Variants in CAMKMT observed in about 807,000 individuals in gnomAD.
The protein encoded by CAMKMT is CaM KMT.
A neutral mutation model predicts 48.0 loss-of-function variants in CAMKMT; 53 were observed. The ratio of observed to expected loss-of-function variants is 1.10; its 90% CI spans 0.89 to 1.39. The LOEUF (loss-of-function observed/expected upper bound fraction) is 1.39, where lower values mean the gene tolerates loss of function less well. Among genes scored for constraint, CAMKMT ranks in the 40% most tolerant of loss-of-function variants. The pLI, the probability that CAMKMT is intolerant of heterozygous loss-of-function variation, is 0.00. For missense variants in CAMKMT, 428 were observed against 402.7 expected (o/e 1.06, Z -0.54); for synonymous variants, 165 against 152.3 (o/e 1.08, Z -0.61).
At chr2:44,717,514 A>C (rs113774236) in intron 7 of CAMKMT, among the ~76,000 whole-genome samples, 1,662 of 152,342 alleles carry the variant, frequency 0.011, 24 homozygotes, top group African/African-American at 0.037. Flanking sequence ...TGAAAGTATT[A>C]GTTCCATGAG....
At chr2:44,492,889 C>CTTTTTTTTTTT (rs11400501) in intron 3 of CAMKMT, among the ~76,000 whole-genome samples, 1 of 142,858 alleles carries the variant, frequency 7.0e-6, no homozygotes, top group Non-Finnish European at 1.5e-5. Flanking sequence ...CATATTGTAT[C>CTTTTTTTTTTT]TTTTTTTTTT....
At chr2:44,412,636 AG>A (rs1430402140) in intron 3 of CAMKMT, among the ~76,000 whole-genome samples, 1 of 152,012 alleles carries the variant, frequency 6.6e-6, no homozygotes, top group Non-Finnish European at 1.5e-5. Context: ...GGGCCCAGCC[AG>A]GTGAGTCTTT....
intron 3 of CAMKMT, among the ~76,000 whole-genome samples, chr2:44,474,727 C>G (rs1274419303): frequency 1.3e-5 from 2 of 152,180 alleles, no homozygotes. Context: ...CTATGCCAGA[C>G]CAAATGCTCC....
intron 3 of CAMKMT, among the ~76,000 whole-genome samples, chr2:44,588,138 T>G (rs1669988957): frequency 7.4e-6 from 1 of 134,888 alleles, no homozygotes; most frequent in East Asian, 2.1e-4. Flanking sequence ...CAACCCTGTC[T>G]GGGATGTGAG....
At position 44,766,411 on chromosome 2, in the gene CAMKMT, T is replaced by G. The variant is rs1680843901; in HGVS notation, c.763-19T>G. 1 of 1,612,904 alleles carries G rather than the reference T, an allele frequency of 6.2e-7. No individual in the cohort carries two copies. Among genetic ancestry groups the G allele is most frequent in the Admixed American group, 1.7e-5 (1 of 59,590 alleles). ...CCTTCCAGTTTTAAAATATGTGAAT[T>G]TCCTTTTTACTGTTCTAGGGGAAAG... is the stretch of plus-strand genomic sequence containing the variant. On this transcript the variant is annotated intron_variant, in intron 9 of 10. Coordinates refer to ENST00000378494, the MANE Select transcript of CAMKMT (RefSeq NM_024766.5).
intron 3 of CAMKMT, among the ~76,000 whole-genome samples, chr2:44,593,088 C>T (rs1049834370): frequency 1.3e-5 from 2 of 152,172 alleles, no homozygotes; most frequent in Non-Finnish European, 2.9e-5. Context: ...TGGGAAACAG[C>T]TTGATCCTTT....
rs1413138011 is a variant in CAMKMT, at chr2:44,719,280, T to C, written c.623+3927T>C. Among the ~76,000 whole-genome samples, 3 of 152,224 alleles carry C rather than the reference T, an allele frequency of 2.0e-5. No individual in the cohort carries two copies. In the East Asian group the frequency reaches 5.8e-4, roughly 29 times the overall value. On this transcript the variant is annotated intron_variant, in intron 7 of 10. Transcript: ENST00000378494. The stretch of plus-strand genomic sequence containing the variant: ...TGCCTTCTCAGCCTACCCTAATCTT[T>C]TTAATTTCTGCTGCCCTTAGAATAG...
intron 3 of CAMKMT, among the ~76,000 whole-genome samples, chr2:44,666,768 C>T (rs1215106808): frequency 6.6e-6 from 1 of 152,104 alleles, no homozygotes; most frequent in African/African-American, 2.4e-5. Flanking sequence ...AGCCGCCATG[C>T]CCGGCTAATT....
At chr2:44,716,029 A>C (rs1678159929) in intron 7 of CAMKMT, among the ~76,000 whole-genome samples, 1 of 152,094 alleles carries the variant, frequency 6.6e-6, no homozygotes, top group African/African-American at 2.4e-5. Context: ...GCTACATTTT[A>C]TTTTTGCCCT....
chr2:44,480,988 T>C (rs956028412), intron 3 of CAMKMT, among the ~76,000 whole-genome samples: 1 of 152,054 alleles, frequency 6.6e-6, no homozygotes, highest in Non-Finnish European at 1.5e-5. Flanking sequence ...CTATACTTTC[T>C]ATCATCCATA....
At chr2:44,465,321 G>C (rs1668054869) in intron 3 of CAMKMT, among the ~76,000 whole-genome samples, 1 of 152,158 alleles carries the variant, frequency 6.6e-6, no homozygotes, top group Non-Finnish European at 1.5e-5. Context: ...AAACAGGCTG[G>C]ACGCAGTAGA....
chr2:44,590,691 C>T (rs1253557050), intron 3 of CAMKMT, among the ~76,000 whole-genome samples: 1 of 152,134 alleles, frequency 6.6e-6, no homozygotes, highest in Non-Finnish European at 1.5e-5. Flanking sequence ...AATTTTCTCC[C>T]ATTTTATGGG....
At chr2:44,438,368 T>G (rs1392124858) in intron 3 of CAMKMT, among the ~76,000 whole-genome samples, 2 of 152,238 alleles carry the variant, frequency 1.3e-5, no homozygotes, top group Non-Finnish European at 2.9e-5. Flanking sequence ...GAAATTTCAT[T>G]TGTGTTTAGT....
chr2:44,408,620 G>A (rs189402507), intron 3 of CAMKMT, among the ~76,000 whole-genome samples: 243 of 152,208 alleles, frequency 1.6e-3, no homozygotes, highest in Admixed American at 4.6e-3. Flanking sequence ...AATAAGGTTA[G>A]TATAACTTCA....
At chr2:44,590,944 A>G (rs866805167) in intron 3 of CAMKMT, among the ~76,000 whole-genome samples, 2 of 151,926 alleles carry the variant, frequency 1.3e-5, no homozygotes. Flanking sequence ...GGTGTAAGGA[A>G]GGGATCCAGT....
intron 3 of CAMKMT, among the ~76,000 whole-genome samples, chr2:44,643,973 C>A (rs1471668863): frequency 6.6e-6 from 1 of 152,182 alleles, no homozygotes; most frequent in Non-Finnish European, 1.5e-5. Context: ...AGAGTTGCAG[C>A]AATCCACTCA....
chr2:44,578,101 A>G (rs1669335918), intron 3 of CAMKMT, among the ~76,000 whole-genome samples: 1 of 152,082 alleles, frequency 6.6e-6, no homozygotes. Flanking sequence ...TGGTTTCTAG[A>G]TCCAGCTGAA....
chr2:44,397,351 G>C (rs1285164003), intron 3 of CAMKMT, among the ~76,000 whole-genome samples: 1 of 152,242 alleles, frequency 6.6e-6, no homozygotes, highest in East Asian at 1.9e-4. Flanking sequence ...CATGGGTAAT[G>C]ATCAGCAGCC....
chr2:44,538,958 CTGTGTG>C (rs57970764), intron 3 of CAMKMT, among the ~76,000 whole-genome samples: 35,635 of 139,878 alleles, frequency 0.25, 4,546 homozygotes, highest in East Asian at 0.33. Context: ...GTGTGTGTGT[CTGTGTG>C]TGTGTGTGTG....
Sources: gnomAD v4.1 joint callset for allele counts (sites outside exome capture counted in the v4.1 genomes callset) on GRCh38, gnomAD v4.1.1 for gene constraint, MANE v1.5 for transcripts, NCBI Gene and HGNC (gene_info 2026-07-23, HGNC 2026-07-21) for gene names.